UBE2J2: variants seen among roughly 807,000 people sequenced by gnomAD.
UBE2J2 encodes ubiquitin conjugating enzyme E2 J2.
A neutral mutation model predicts 28.6 loss-of-function variants in UBE2J2; 5 were observed. The observed-to-expected ratio is 0.17, with a 90% CI of 0.09 to 0.37. The LOEUF is 0.37. Ranked by LOEUF, UBE2J2 falls within the 10% of genes least tolerant of loss-of-function variation. UBE2J2 has a pLI of 1.00. For synonymous variants in UBE2J2, 138 were observed against 139.7 expected, an observed-to-expected ratio of 0.99 and a Z score of 0.09; for missense variants, 226 against 338.9, an observed-to-expected ratio of 0.67 and a Z score of 2.62.
intron 1 of UBE2J2, among the ~76,000 whole-genome samples, chr1:1,270,706 A>C (rs1640104424): frequency 6.6e-6 from 1 of 152,070 alleles, no homozygotes; most frequent in Non-Finnish European, 1.5e-5. Flanking sequence ...ATAAGTCAAC[A>C]TACTGTTCCG....
Position 1,257,067 on chromosome 1 carries a change from G to A in UBE2J2, c.339C>T (p.Thr113=). The A allele has an allele frequency of 6.2e-7, 1 of 1,613,426 alleles. No individual in the cohort carries two copies. The highest frequency in any genetic ancestry group is 8.5e-7 in the Non-Finnish European group (1 of 1,179,776). The change falls in exon 5 of 7, where the codon ACC becomes ACT. Residue 113 remains threonine, a synonymous_variant. Coordinates refer to ENST00000349431, the MANE Select transcript of UBE2J2 (RefSeq NM_058167.3). ...DTWNPAWSVS[T]ILTGLLSFMV... ...TGAAGCTCAGGAGCCCAGTCAGGAT[G>A]GTGGAGACAGACCAGGCCGGGTTCC...
chr1:1,261,458 A>G (rs1373375985), intron 3 of UBE2J2, among the ~76,000 whole-genome samples: 1 of 152,134 alleles, frequency 6.6e-6, no homozygotes, highest in Non-Finnish European at 1.5e-5. Flanking sequence ...TCTTCTCCCA[A>G]CTGTGTCCAG....
At chr1:1,258,028 CTTTTT>C (rs917703930) in intron 3 of UBE2J2, among the ~76,000 whole-genome samples, 1 of 151,764 alleles carries the variant, frequency 6.6e-6, no homozygotes, top group Non-Finnish European at 1.5e-5. Flanking sequence ...CACGTTCCCA[CTTTTT>C]TTTGTTTTGT....
intron 2 of UBE2J2, among the ~76,000 whole-genome samples, chr1:1,263,872 A>T (rs1375475834): frequency 6.6e-6 from 1 of 151,956 alleles, no homozygotes; most frequent in Non-Finnish European, 1.5e-5. Flanking sequence ...GCATGCCTGC[A>T]GCCCGCCTAC....
intron 4 of UBE2J2, 26 bp from the exon 5 acceptor site, chr1:1,257,156 C>G (rs1167247111): frequency 7.5e-6 from 12 of 1,605,950 alleles, no homozygotes; most frequent in Non-Finnish European, 1.0e-5. Flanking sequence ...CCCGTCAGTG[C>G]ACACTCCCCA....
intron 3 of UBE2J2, chr1:1,263,091 G>T: frequency 2.2e-6 from 1 of 459,346 alleles, no homozygotes; most frequent in Non-Finnish European, 4.0e-6. Flanking sequence ...GGTTTTCTCA[G>T]CTATGGCCCT....
chr1:1,256,871 GCGAGACTCCGTCT>G (rs1639209839), intron 5 of UBE2J2, 108 bp downstream of exon 5: 3 of 1,018,804 alleles, frequency 2.9e-6, no homozygotes, highest in Admixed American at 6.4e-5. Context: ...TGGAGACACA[GCGAGACTCCGTCT>G]CAAGAAAAAA....
In UBE2J2 at chr1:1,255,321, T is replaced by C. The variant is rs1639105404; in HGVS notation, c.662A>G (p.Gln221Arg). Residue 221 changes from glutamine (Q) to arginine (R), a missense_variant, in exon 7 of 7, where the codon CAG (glutamine) becomes CGG (arginine). Transcript: ENST00000349431. ...CAGGAGTCCGTGGTGCCGGTTGGCC[T>C]GCTGGAGCCCTGCGAGGTTTGGGAC... is the stretch of plus-strand genomic sequence containing the variant. ...GAVPNLAGLQ[Q>R]ANRHHGLLGG... is the part of the protein sequence containing the mutation. 4 of 1,613,652 alleles carry C rather than the reference T, an allele frequency of 2.5e-6. No individual in the cohort carries two copies. Among genetic ancestry groups the C allele is most frequent in the Non-Finnish European group, 3.4e-6 (4 of 1,180,028 alleles).
chr1:1,272,246 C>T (rs1271204813), intron 1 of UBE2J2, among the ~76,000 whole-genome samples: 1 of 152,086 alleles, frequency 6.6e-6, no homozygotes, highest in African/African-American at 2.4e-5. Flanking sequence ...AGACAAAGGA[C>T]ACCAAGCATA....
rs574193013 is a variant in UBE2J2 at position 1,254,971 on chromosome 1, C to A, written c.*232G>T. 8.4e-6 allele frequency: 4 copies of A among 477,350 alleles called. No individual in the cohort carries two copies. The highest frequency in any genetic ancestry group is 3.3e-5 in the East Asian group (1 of 30,528). 29.6% of individuals were successfully genotyped at this position (477,350 alleles called of 1,614,324 possible). On this transcript the variant is annotated 3_prime_UTR_variant, in exon 7 of 7. Transcript: ENST00000349431. ...GAAGATAAGCTACAAATCCAGCACA[C>A]AAGGCCCACCCACACCAGCCCCAGC... is the stretch of plus-strand genomic sequence containing the variant.
chr1:1,265,630 T>C (rs887343304), intron 2 of UBE2J2, among the ~76,000 whole-genome samples: 1 of 150,658 alleles, frequency 6.6e-6, no homozygotes, highest in Non-Finnish European at 1.5e-5. Context: ...TGTGTGTGTG[T>C]GTGTGTGTGT....
chr1:1,259,170 G>A (rs917268293), intron 3 of UBE2J2, among the ~76,000 whole-genome samples: 2 of 151,816 alleles, frequency 1.3e-5, no homozygotes, highest in Non-Finnish European at 2.9e-5. Context: ...GTCTGAGTGT[G>A]TGCATGCCAT....
At chr1:1,269,931 C>T (rs929123047) in intron 1 of UBE2J2, among the ~76,000 whole-genome samples, 2 of 152,146 alleles carry the variant, frequency 1.3e-5, no homozygotes, top group African/African-American at 2.4e-5. Flanking sequence ...CTTATATTGA[C>T]TTGTAATCCC....
intron 3 of UBE2J2, 97 bp from the exon 4 acceptor site, chr1:1,257,407 C>G (rs1463709756): frequency 0.022 from 12,110 of 554,482 alleles, 607 homozygotes; most frequent in African/African-American, 0.075. Flanking sequence ...CCCCCCCCCC[C>G]CTCAGCTCGG....
intron 2 of UBE2J2, among the ~76,000 whole-genome samples, chr1:1,265,618 T>TTTTCTCTCCA (rs1365608373): frequency 1.4e-5 from 2 of 146,910 alleles, no homozygotes; most frequent in African/African-American, 5.1e-5. Flanking sequence ...TGTGTGTGTG[T>TTTTCTCTCCA]GTGTGTGTGT....
At chr1:1,267,724 C>T (rs1639950018) in intron 2 of UBE2J2, 138 bp downstream of exon 2, 4 of 1,512,312 alleles carry the variant, frequency 2.6e-6, no homozygotes, top group Admixed American at 2.0e-5. Flanking sequence ...CCCTGGGCAC[C>T]CCACTCACCC....
chr1:1,255,323 C>T lies in UBE2J2; in HGVS notation c.660G>A (p.Gln220=). ...GGAGTCCGTGGTGCCGGTTGGCCTG[C>T]TGGAGCCCTGCGAGGTTTGGGACGG... ...PGAVPNLAGL[Q]QANRHHGLLG... Residue 220 remains glutamine, a synonymous_variant, in exon 7 of 7, where the codon CAG becomes CAA. Transcript: ENST00000349431. 6.2e-7 allele frequency: 1 copy of T among 1,613,746 alleles called. No individual in the cohort carries two copies. Among genetic ancestry groups the T allele is most frequent in the Non-Finnish European group, 8.5e-7 (1 of 1,180,014 alleles).
rs1247208297 is a variant in UBE2J2 at position 1,255,466 on chromosome 1, C to A, written c.517G>T (p.Ala173Ser). The change falls in exon 7 of 7, where the codon GCA becomes TCA. Residue 173 changes from alanine to serine, a missense_variant. Coordinates refer to ENST00000349431, the MANE Select transcript of UBE2J2 (RefSeq NM_058167.3). ...VVEEIKQKQK[A>S]QDELSSRPQT... is the part of the protein sequence containing the mutation. The stretch of plus-strand genomic sequence containing the variant: ...GGTCTGCTACTGAGTTCGTCTTGTG[C>A]TTTCTGTTTTTGTTTAATCTCCTAA... 33 of 1,610,442 alleles carry A rather than the reference C, an allele frequency of 2.0e-5. No individual in the cohort carries two copies. The highest frequency in any genetic ancestry group is 2.6e-5 in the Non-Finnish European group (31 of 1,177,468).
rs199580083 is a variant in UBE2J2 at position 1,256,938 on chromosome 1, C to T, written c.414+54G>A. 5.5e-5 allele frequency: 62 copies of T among 1,119,172 alleles called. No individual in the cohort carries two copies. In the African/African-American group the frequency reaches 1.0e-3, roughly 18 times the overall value. The allele number at this position is 1,119,172 out of a possible 1,614,324, so 69.3% of individuals were successfully genotyped here. A position where few individuals can be genotyped will look rare whatever the true frequency, so the allele number is the denominator to read the frequency against. On this transcript the variant is annotated intron_variant, in intron 5 of 6. Coordinates refer to ENST00000349431, the MANE Select transcript of UBE2J2 (RefSeq NM_058167.3). ...GCAGCTGCAACTCAGGAACAGAGAA[C>T]AGCCCCCCAGACACAAGGCTGACGG...
Sources: allele counts gnomAD v4.1 joint callset (sites outside exome capture counted in the v4.1 genomes callset), GRCh38; gene constraint gnomAD v4.1.1; transcripts MANE v1.5; gene names NCBI Gene and HGNC (gene_info 2026-07-23, HGNC 2026-07-21).